ERGIC2: variants seen among roughly 807,000 people sequenced by gnomAD.
ERGIC2 encodes endoplasmic reticulum-Golgi intermediate compartment protein 2.
Under a neutral mutation model 52.5 loss-of-function variants are expected in ERGIC2, and 31 were observed. The observed-to-expected ratio is 0.59, with a 90% CI of 0.44 to 0.80. The LOEUF is 0.80. Ranked by LOEUF, ERGIC2 falls within the 30% of genes least tolerant of loss-of-function variation. ERGIC2 has a pLI of 0.00. For missense variants in ERGIC2, 395 were observed against 455.2 expected, an observed-to-expected ratio of 0.87 and a Z score of 1.20; for synonymous variants, 129 against 140.6, an observed-to-expected ratio of 0.92 and a Z score of 0.58.
Position 29,338,565 on chromosome 12 carries a change from A to G in ERGIC2, c.*2591T>C, listed in dbSNP as rs1365617363. 2 of 152,088 alleles carry G rather than the reference A, an allele frequency of 1.3e-5. No homozygotes were observed. 9.4% of individuals were successfully genotyped at this position (152,088 alleles called of 1,614,324 possible). On this transcript the variant is annotated 3_prime_UTR_variant, in exon 14 of 14. Coordinates refer to ENST00000360150, the MANE Select transcript of ERGIC2 (RefSeq NM_016570.3). Reference sequence around the variant, plus strand: ...AGATGGAAGCAGGAGGATTGCTTGAACCCAGGAGTTCGAGGATGCAGTGAG... The same window carrying G: ...AGATGGAAGCAGGAGGATTGCTTGAGCCCAGGAGTTCGAGGATGCAGTGAG...
Position 29,341,236 on chromosome 12 carries a change from G to GA in ERGIC2, c.1072-19dup. 5 of 1,588,082 alleles carry GA rather than the reference G, an allele frequency of 3.1e-6. No individual in the cohort carries two copies. Among genetic ancestry groups the GA allele is most frequent in the Admixed American group, 1.7e-5 (1 of 58,128 alleles). The stretch of plus-strand genomic sequence containing the variant: ...AAAGGAACCTAAGGAGAAAAGGAGG[G>GA]AAAAAAAGACCAAAGAATTAGTTTT... On this transcript the variant is annotated intron_variant, in intron 13 of 13. Coordinates refer to ENST00000360150, the MANE Select transcript of ERGIC2 (RefSeq NM_016570.3).
intron 2 of ERGIC2, among the ~76,000 whole-genome samples, chr12:29,370,674 A>AT (rs1940429126): frequency 1.3e-5 from 2 of 151,992 alleles, no homozygotes; most frequent in Non-Finnish European, 2.9e-5. Context: ...ATTGGGCTAT[A>AT]AGCCCAATTT....
Position 29,340,718 on chromosome 12 carries a change from T to C in ERGIC2, c.*438A>G, listed in dbSNP as rs1258146990. On this transcript the variant is annotated 3_prime_UTR_variant, in exon 14 of 14. Transcript: ENST00000360150. Reference sequence around the variant, plus strand: ...TTAAAGTCTAGACTAGTTTTCCGTATGTTTTCCACATTTTATTCTGACATC... The same window carrying C: ...TTAAAGTCTAGACTAGTTTTCCGTACGTTTTCCACATTTTATTCTGACATC... 2.7e-6 allele frequency: 1 copy of C among 368,856 alleles called. No individual in the cohort carries two copies. The highest frequency in any genetic ancestry group is 5.1e-6 in the Non-Finnish European group (1 of 195,354). The allele number at this position is 368,856 out of a possible 1,614,324, so 22.8% of individuals were successfully genotyped here.
chr12:29,371,726 T>A, intron 1 of ERGIC2, 56 bp from the exon 2 acceptor site: 1 of 796,036 alleles, frequency 1.3e-6, no homozygotes, highest in Non-Finnish European at 2.0e-6. Context: ...TAAAAAGGTT[T>A]CTTTAAATTT....
At chr12:29,373,297 AT>A (rs1323240721) in intron 1 of ERGIC2, among the ~76,000 whole-genome samples, 2 of 152,174 alleles carry the variant, frequency 1.3e-5, no homozygotes, top group Non-Finnish European at 2.9e-5. Flanking sequence ...TATTTACATA[AT>A]TTTTATGACT....
intron 6 of ERGIC2, 148 bp downstream of exon 6, chr12:29,361,496 GA>G (rs1940286171): frequency 6.5e-6 from 3 of 459,308 alleles, no homozygotes; most frequent in Non-Finnish European, 1.1e-5. Context: ...GATGGTTTTT[GA>G]AATTGTAAGG....
intron 11 of ERGIC2, among the ~76,000 whole-genome samples, chr12:29,344,153 G>A (rs1940008683): frequency 6.6e-6 from 1 of 152,120 alleles, no homozygotes; most frequent in Non-Finnish European, 1.5e-5. Context: ...TTCCTCCAGT[G>A]TGTGTAGATG....
At position 29,350,136 on chromosome 12, in the gene ERGIC2, T is replaced by A. The variant is rs182909183; in HGVS notation, c.573-68A>T. 65 of 902,146 alleles carry A rather than the reference T, an allele frequency of 7.2e-5. No homozygotes were observed. The African/African-American group carries it at 9.4e-4, about 13-fold the overall frequency. 55.9% of individuals were successfully genotyped at this position (902,146 alleles called of 1,614,324 possible). ...TGTATAATTAATTAAAATCAGAAAC[T>A]GGATCTTCCCTAAGTTATATAATTT... is the stretch of plus-strand genomic sequence containing the variant. On this transcript the variant is annotated intron_variant, in intron 8 of 13. Transcript: ENST00000360150.
At chr12:29,352,182 G>A (rs1940141964) in intron 8 of ERGIC2, among the ~76,000 whole-genome samples, 1 of 151,466 alleles carries the variant, frequency 6.6e-6, no homozygotes, top group Admixed American at 6.6e-5. Context: ...AAAGTAATGA[G>A]AGAGTCATAT....
chr12:29,374,151 C>T (rs866786948), intron 1 of ERGIC2, among the ~76,000 whole-genome samples: 2 of 152,166 alleles, frequency 1.3e-5, no homozygotes, highest in Admixed American at 1.3e-4. Context: ...ACTGTGACTA[C>T]TTCCTCACCC....
At chr12:29,370,373 A>G (rs1277140079) in intron 2 of ERGIC2, 151 bp from the exon 3 acceptor site, 1 of 914,426 alleles carries the variant, frequency 1.1e-6, no homozygotes, top group Admixed American at 4.2e-5. Flanking sequence ...GTTTTTATTC[A>G]AAATGTTTAT....
At chr12:29,373,784 T>A (rs925180228) in intron 1 of ERGIC2, among the ~76,000 whole-genome samples, 3 of 152,170 alleles carry the variant, frequency 2.0e-5, no homozygotes, top group African/African-American at 7.2e-5. Flanking sequence ...AAAAAATAGA[T>A]GTCATAGACA....
intron 7 of ERGIC2, 102 bp from the exon 8 acceptor site, chr12:29,356,579 T>C: frequency 1.7e-6 from 1 of 597,270 alleles, no homozygotes. Context: ...GATCATTTTT[T>C]AGGTAATATT....
chr12:29,355,381 A>C (rs1565538946), intron 8 of ERGIC2, among the ~76,000 whole-genome samples: 1 of 152,038 alleles, frequency 6.6e-6, no homozygotes, highest in Non-Finnish European at 1.5e-5. Flanking sequence ...AAGGGCAAAA[A>C]CCCTTTATTT....
At chr12:29,354,060 A>G (rs1001898528) in intron 8 of ERGIC2, among the ~76,000 whole-genome samples, 1 of 152,110 alleles carries the variant, frequency 6.6e-6, no homozygotes, top group Non-Finnish European at 1.5e-5. Flanking sequence ...GATTTACTGG[A>G]CAACAGCCAC....
Position 29,341,782 on chromosome 12 carries a change from T to C in ERGIC2, c.1023A>G (p.Glu341=), listed in dbSNP as rs973569498. Residue 341 remains glutamate, a synonymous_variant, in exon 13 of 14, where the codon GAA becomes GAG. Coordinates refer to ENST00000360150, the MANE Select transcript of ERGIC2 (RefSeq NM_016570.3). ...MLHGIGKFIV[E]IICCRFRLGS... ...CAAGTCTGAAACGACAGCAAATTAT[T>C]TCAACTATAAATTTTCCAATTCCAT... is the stretch of plus-strand genomic sequence containing the variant. 1.9e-6 allele frequency: 3 copies of C among 1,601,302 alleles called. No homozygotes were observed. The highest frequency in any genetic ancestry group is 2.7e-5 in the African/African-American group (2 of 74,636).
At chr12:29,371,408 C>T (rs1940437659) in intron 2 of ERGIC2, 120 bp downstream of exon 2, 11 of 625,588 alleles carry the variant, frequency 1.8e-5, no homozygotes, top group East Asian at 2.9e-5. Flanking sequence ...AGACAAGTTA[C>T]GAAGTTACGG....
At chr12:29,358,176 T>C (rs1168303265) in intron 6 of ERGIC2, among the ~76,000 whole-genome samples, 1 of 152,214 alleles carries the variant, frequency 6.6e-6, no homozygotes, top group Non-Finnish European at 1.5e-5. Context: ...ATACCACAAG[T>C]AACTGATTTT....
chr12:29,350,217 T>C (rs1591989810), intron 8 of ERGIC2, 149 bp from the exon 9 acceptor site: 2 of 546,802 alleles, frequency 3.7e-6, no homozygotes, highest in East Asian at 5.9e-5. Context: ...AGCAGACAAG[T>C]CTACTCATCT....
Sources: gnomAD v4.1 joint callset for allele counts (sites outside exome capture counted in the v4.1 genomes callset) on GRCh38, gnomAD v4.1.1 for gene constraint, MANE v1.5 for transcripts, NCBI Gene and HGNC (gene_info 2026-07-23, HGNC 2026-07-21) for gene names.